The following SRPK2 variants were observed in gnomAD, a reference collection of about 807,000 sequenced individuals.
SRPK2 encodes SRSF protein kinase 2.
Under a neutral mutation model 90.8 loss-of-function variants are expected in SRPK2, and 21 were observed. The observed-to-expected ratio is 0.23, with a 90% CI of 0.16 to 0.33. The LOEUF (loss-of-function observed/expected upper bound fraction) is 0.33, where lower values mean the gene tolerates loss of function less well. Among genes scored for constraint, SRPK2 ranks in the 10% least tolerant of loss-of-function variants. The pLI is 1.00. For missense variants in SRPK2, 620 were observed against 869.0 expected (o/e 0.71, Z 3.60); for synonymous variants, 288 against 311.1 (o/e 0.93, Z 0.78).
rs1381098141 is a variant in SRPK2 at position 105,126,927 on chromosome 7, A to G, written c.1822+66T>C. On this transcript the variant is annotated intron_variant, in intron 14 of 15. Transcript: ENST00000393651. Reference sequence around the variant, plus strand: ...CTCTATTTCAGTACAAAAATACAGTACTCTACAGAAGTTCAGGGCTGGCAG... The same window carrying G: ...CTCTATTTCAGTACAAAAATACAGTGCTCTACAGAAGTTCAGGGCTGGCAG... The G allele has an allele frequency of 2.0e-6, 3 of 1,475,674 alleles. No homozygotes were observed. The East Asian group carries it at 6.8e-5, about 33-fold the overall frequency. The allele number at this position is 1,475,674 out of a possible 1,614,324, so 91.4% of individuals were successfully genotyped here. A position where few individuals can be genotyped will look rare whatever the true frequency, so the allele number is the denominator to read the frequency against.
rs370430419 is a variant in SRPK2, at chr7:105,293,766, T to C, written c.72-89981A>G. Reference sequence around the variant, plus strand: ...GAAAAGGAGGTGAAACCCTGCAAGATAAGATATGTCCAATGTTACCTAGCT... The same window carrying C: ...GAAAAGGAGGTGAAACCCTGCAAGACAAGATATGTCCAATGTTACCTAGCT... On this transcript the variant is annotated intron_variant, in intron 2 of 15. Coordinates refer to ENST00000393651, the MANE Select transcript of SRPK2 (RefSeq NM_182692.3). 2.6e-5 allele frequency among the ~76,000 whole-genome samples: 4 copies of C among 152,244 alleles called. No homozygotes were observed. The East Asian group carries it at 7.7e-4, about 29-fold the overall frequency.
intron 2 of SRPK2, among the ~76,000 whole-genome samples, chr7:105,216,317 T>C (rs1585209851): frequency 6.6e-6 from 1 of 152,082 alleles, no homozygotes; most frequent in South Asian, 2.1e-4. Context: ...ACAGACATCC[T>C]AAGCACTGGA....
chr7:105,330,658 C>G (rs1035156850), intron 2 of SRPK2, among the ~76,000 whole-genome samples: 1 of 152,006 alleles, frequency 6.6e-6, no homozygotes, highest in African/African-American at 2.4e-5. Flanking sequence ...AAAACTGCAC[C>G]CATGCCAGCA....
At chr7:105,235,042 C>A (rs1046467196) in intron 2 of SRPK2, among the ~76,000 whole-genome samples, 1 of 151,268 alleles carries the variant, frequency 6.6e-6, no homozygotes, top group African/African-American at 2.4e-5. Context: ...TTAGTGTTAG[C>A]GTATCTTATG....
chr7:105,204,991 G>A (rs911674278), intron 2 of SRPK2: 2 of 267,196 alleles, frequency 7.5e-6, no homozygotes, highest in African/African-American at 4.4e-5. Flanking sequence ...GCGGCATACA[G>A]TCAAAGCTCA....
At chr7:105,221,500 G>C (rs1012308355) in intron 2 of SRPK2, among the ~76,000 whole-genome samples, 4 of 152,070 alleles carry the variant, frequency 2.6e-5, no homozygotes, top group South Asian at 2.1e-4. Flanking sequence ...CATTTTTTCT[G>C]GGATTTCAAA....
chr7:105,385,171 ATTTTTTTTTTTT>A (rs767913304), intron 2 of SRPK2, among the ~76,000 whole-genome samples: 10 of 49,684 alleles, frequency 2.0e-4, no homozygotes, highest in Admixed American at 2.8e-4. Flanking sequence ...CGCGCCCGGC[ATTTTTTTTTTTT>A]TTTTTTTTTT....
At chr7:105,301,572 T>C in intron 2 of SRPK2, 2 of 1,582,926 alleles carry the variant, frequency 1.3e-6, no homozygotes, top group Non-Finnish European at 1.7e-6. Flanking sequence ...GCTCTATTTA[T>C]GAAGGAGATG....
chr7:105,280,695 C>A (rs1807167216), intron 2 of SRPK2, among the ~76,000 whole-genome samples: 1 of 150,012 alleles, frequency 6.7e-6, no homozygotes, highest in African/African-American at 2.5e-5. Context: ...CCCCTGTAAT[C>A]CTAGCACTTT....
At chr7:105,168,143 G>C (rs1406558149) in intron 4 of SRPK2, 48 bp from the exon 5 acceptor site, 3 of 1,449,938 alleles carry the variant, frequency 2.1e-6, no homozygotes, top group East Asian at 2.4e-5. Flanking sequence ...ATTATCAGTA[G>C]AAAGAATCAC....
intron 2 of SRPK2, among the ~76,000 whole-genome samples, chr7:105,328,561 CAAA>C (rs1192103331): frequency 2.1e-4 from 10 of 47,192 alleles, no homozygotes; most frequent in African/African-American, 3.0e-4. Context: ...GGCTCTGTCT[CAAA>C]AAAAAAAAAA....
At chr7:105,288,914 A>G (rs951853320) in intron 2 of SRPK2, among the ~76,000 whole-genome samples, 1 of 152,080 alleles carries the variant, frequency 6.6e-6, no homozygotes, top group African/African-American at 2.4e-5. Context: ...GTAAGTATAA[A>G]ATCTCTCAAT....
intron 3 of SRPK2, among the ~76,000 whole-genome samples, chr7:105,187,411 T>C (rs1563055942): frequency 4.6e-5 from 7 of 152,356 alleles, no homozygotes; most frequent in Admixed American, 4.6e-4. Flanking sequence ...AATCATTTCA[T>C]TGCTAAATTT....
intron 2 of SRPK2, among the ~76,000 whole-genome samples, chr7:105,309,241 A>G (rs1011555180): frequency 2.6e-5 from 4 of 152,154 alleles, no homozygotes; most frequent in African/African-American, 9.6e-5. Flanking sequence ...ACAAGAAAAA[A>G]AAAAAAGCTC....
intron 2 of SRPK2, among the ~76,000 whole-genome samples, chr7:105,233,332 A>T (rs151085605): frequency 6.6e-6 from 1 of 152,176 alleles, no homozygotes. Context: ...AATATGCAAG[A>T]CTTCATGGTA....
chr7:105,369,125 T>A (rs1399343987), intron 2 of SRPK2, among the ~76,000 whole-genome samples: 2 of 143,322 alleles, frequency 1.4e-5, no homozygotes, highest in Admixed American at 1.4e-4. Flanking sequence ...CAAGATTTAT[T>A]TTATTATTAT....
intron 2 of SRPK2, among the ~76,000 whole-genome samples, chr7:105,249,561 T>C (rs1444824627): frequency 1.3e-5 from 2 of 152,150 alleles, no homozygotes; most frequent in Non-Finnish European, 2.9e-5. Context: ...GAATTTCAAA[T>C]ACTGGAAGTT....
intron 1 of SRPK2, among the ~76,000 whole-genome samples, chr7:105,397,395 T>C (rs1178580184): frequency 6.6e-6 from 1 of 150,990 alleles, no homozygotes; most frequent in Non-Finnish European, 1.5e-5. Context: ...AGTGGCATGA[T>C]CTCGCCTCAC....
Position 105,128,173 on chromosome 7 carries a change from A to T in SRPK2, c.1753-1111T>A, listed in dbSNP as rs530383975. Among the ~76,000 whole-genome samples, 31 of 152,184 alleles carry T rather than the reference A, an allele frequency of 2.0e-4. No homozygotes were observed. The South Asian group carries it at 2.3e-3, about 11-fold the overall frequency. On this transcript the variant is annotated intron_variant, in intron 13 of 15. Transcript: ENST00000393651. ...GGACCACATCTTTTCACCTTTTTTA[A>T]AAAAAAAGACTGCCTGTCAATCACT...
Sources: gnomAD v4.1 joint callset for allele counts (sites outside exome capture counted in the v4.1 genomes callset) on GRCh38, gnomAD v4.1.1 for gene constraint, MANE v1.5 for transcripts, NCBI Gene and HGNC (gene_info 2026-07-23, HGNC 2026-07-21) for gene names.